Variants in ADIPOR2 observed in about 807,000 individuals in gnomAD.
ADIPOR2 encodes the protein adiponectin receptor 2, also known as adiponectin receptor protein 2.
In ADIPOR2, 18 loss-of-function variants were observed where a neutral mutation model predicts 40.9. That is an observed-to-expected ratio of 0.44 (90% confidence interval 0.30 to 0.65). The LOEUF (loss-of-function observed/expected upper bound fraction) is 0.65. ADIPOR2 is among the 30% of genes least tolerant of loss of function. The probability of loss-of-function intolerance (pLI) is 0.09; values close to 1 mark genes in which losing one functional copy is unlikely to be tolerated. For synonymous variants in ADIPOR2, 165 were observed against 166.4 expected (o/e 0.99, Z 0.06); for missense variants, 283 against 479.2 (o/e 0.59, Z 3.82).
At chr12:1,782,902 C>T (rs183763882) in intron 6 of ADIPOR2, among the ~76,000 whole-genome samples, 163 of 151,692 alleles carry the variant, frequency 1.1e-3, no homozygotes, top group African/African-American at 3.5e-3. Context: ...TTTTTAAGTG[C>T]CCAGTTATAG....
intron 5 of ADIPOR2, 63 bp downstream of exon 5, chr12:1,780,700 A>G: frequency 6.9e-7 from 1 of 1,451,118 alleles, no homozygotes; most frequent in East Asian, 2.4e-5. Context: ...AGGGAAAAAC[A>G]TTCAGCAGAG....
chr12:1,744,098 C>CTT (rs34185605), intron 1 of ADIPOR2, among the ~76,000 whole-genome samples: 14 of 147,016 alleles, frequency 9.5e-5, no homozygotes, highest in East Asian at 4.0e-4. Flanking sequence ...CTTGAAAAGT[C>CTT]TTTTTTTTTT....
intron 4 of ADIPOR2, chr12:1,778,354 C>A (rs1412954987): frequency 3.7e-5 from 7 of 187,714 alleles, no homozygotes; most frequent in Non-Finnish European, 5.5e-5. Context: ...GTAATCTGAT[C>A]TTTTAAAATG....
chr12:1,780,531 G>A lies in ADIPOR2; in HGVS notation c.544G>A (p.Val182Met), dbSNP rs755978842. Residue 182 changes from valine (V) to methionine (M), a missense_variant, in exon 5 of 8, where the codon GTG becomes ATG. Physicochemically the swap from Val to Met is conservative, Grantham distance 21. Coordinates refer to ENST00000357103, the MANE Select transcript of ADIPOR2 (RefSeq NM_024551.3). ...CTTTGTGGCCCCTCTGCAAGAGAAGGTGGTCTTTGGATTATTTTTCTTAGG... is the reference window on the plus strand; with the variant it reads ...CTTTGTGGCCCCTCTGCAAGAGAAGATGGTCTTTGGATTATTTTTCTTAGG... ...ISFVAPLQEK[V>M]VFGLFFLGAI... 2 of 1,613,750 alleles carry A rather than the reference G, an allele frequency of 1.2e-6. No homozygotes were observed. The highest frequency in any genetic ancestry group is 2.7e-5 in the African/African-American group (2 of 74,866).
intron 1 of ADIPOR2, among the ~76,000 whole-genome samples, chr12:1,743,723 T>G (rs147300369): frequency 1.1e-3 from 171 of 152,338 alleles, no homozygotes; most frequent in African/African-American, 3.9e-3. Context: ...GTTATTAATA[T>G]GAGTTATCTT....
intron 1 of ADIPOR2, among the ~76,000 whole-genome samples, chr12:1,753,965 G>A (rs1862058787): frequency 1.3e-5 from 2 of 152,054 alleles, no homozygotes; most frequent in South Asian, 4.1e-4. Flanking sequence ...TGTACCAAGA[G>A]TATGGTTTTA....
At chr12:1,783,793 C>G in intron 6 of ADIPOR2, 87 bp from the exon 7 acceptor site, 1 of 1,092,408 alleles carries the variant, frequency 9.2e-7, no homozygotes, top group Admixed American at 2.8e-5. Flanking sequence ...ATTCAGTTTA[C>G]AGAGTTAATG....
chr12:1,749,645 G>T (rs577817413), intron 1 of ADIPOR2, among the ~76,000 whole-genome samples: 5 of 152,150 alleles, frequency 3.3e-5, no homozygotes, highest in African/African-American at 1.2e-4. Context: ...GGTCTTTTTC[G>T]ATTGTTTTAG....
intron 1 of ADIPOR2, among the ~76,000 whole-genome samples, chr12:1,736,326 G>A (rs1259095039): frequency 1.3e-5 from 2 of 152,024 alleles, no homozygotes; most frequent in African/African-American, 2.4e-5. Context: ...GTCTTGGGAG[G>A]GTGTATGTGT....
chr12:1,746,850 G>A (rs1229398602), intron 1 of ADIPOR2, among the ~76,000 whole-genome samples: 4 of 152,264 alleles, frequency 2.6e-5, no homozygotes, highest in Non-Finnish European at 5.9e-5. Flanking sequence ...GATAAATAGT[G>A]AGACCTTGTC....
chr12:1,697,557 T>C (rs1420448317), intron 1 of ADIPOR2: 1 of 152,700 alleles, frequency 6.5e-6, no homozygotes, highest in African/African-American at 2.4e-5. Flanking sequence ...CTTAACACGA[T>C]GTATATGAAA....
chr12:1,724,803 A>G (rs1294346681), intron 1 of ADIPOR2, among the ~76,000 whole-genome samples: 2 of 151,900 alleles, frequency 1.3e-5, no homozygotes, highest in South Asian at 2.1e-4. Flanking sequence ...TGATCCTCCC[A>G]TCACAGCCTC....
At chr12:1,752,230 CT>C (rs67598229) in intron 1 of ADIPOR2, among the ~76,000 whole-genome samples, 6 of 74,864 alleles carry the variant, frequency 8.0e-5, no homozygotes, top group Admixed American at 3.6e-4. Context: ...CTCCTGGCCT[CT>C]TTTTTTTTTT....
intron 1 of ADIPOR2, among the ~76,000 whole-genome samples, chr12:1,706,063 T>A (rs1266867977): frequency 6.6e-6 from 1 of 152,214 alleles, no homozygotes; most frequent in African/African-American, 2.4e-5. Context: ...ACAATTCACC[T>A]TCTCCTACAG....
At position 1,780,905 on chromosome 12, in the gene ADIPOR2, A is replaced by G; in HGVS notation, c.667A>G (p.Ile223Val). The G allele has an allele frequency of 6.2e-7, 1 of 1,610,360 alleles. No individual in the cohort carries two copies. Among genetic ancestry groups the G allele is most frequent in the Non-Finnish European group, 8.5e-7 (1 of 1,178,598 alleles). Reference protein sequence around the residue: ...RLFSKLDYSGIALLIMGSFVP... With the variant: ...RLFSKLDYSGVALLIMGSFVP... The stretch of plus-strand genomic sequence containing the variant: ...CTGTCATAGACTGGATTACTCTGGT[A>G]TTGCTCTTCTGATTATGGGAAGTTT... Residue 223 changes from isoleucine (I) to valine (V), a missense_variant, in exon 6 of 8, where the codon ATT becomes GTT. Ile to Val is a conservative substitution (Grantham distance 29, BLOSUM62 3). Around this residue, in one of 3 missense-constraint regions of ADIPOR2, gnomAD observed 112 missense variants for 249.5 expected, o/e 0.45. Coordinates refer to ENST00000357103, the MANE Select transcript of ADIPOR2 (RefSeq NM_024551.3).
intron 3 of ADIPOR2, among the ~76,000 whole-genome samples, chr12:1,775,435 C>T (rs1375171585): frequency 6.6e-6 from 1 of 152,114 alleles, no homozygotes; most frequent in Admixed American, 6.5e-5. Flanking sequence ...AGTATTTAGA[C>T]CACTAGAACA....
chr12:1,781,109 T>C, intron 6 of ADIPOR2, 33 bp downstream of exon 6: 2 of 1,509,222 alleles, frequency 1.3e-6, no homozygotes, highest in Non-Finnish European at 1.8e-6. Flanking sequence ...CATTCGACAT[T>C]CATTTATTCA....
At chr12:1,751,099 CAT>C (rs2094768229) in intron 1 of ADIPOR2, among the ~76,000 whole-genome samples, 1 of 150,276 alleles carries the variant, frequency 6.7e-6, no homozygotes, top group East Asian at 2.0e-4. Context: ...TAGAGTAAAA[CAT>C]ATAGTAAATT....
intron 1 of ADIPOR2, among the ~76,000 whole-genome samples, chr12:1,728,333 G>A (rs1401612675): frequency 3.3e-5 from 5 of 151,642 alleles, no homozygotes; most frequent in East Asian, 4.0e-4. Flanking sequence ...GGCTGGTCTC[G>A]AACTCCTGAC....
Sources: gnomAD v4.1 joint callset for allele counts (sites outside exome capture counted in the v4.1 genomes callset) on GRCh38, gnomAD v4.1.1 for gene constraint, gnomAD v4.1.1 regional missense constraint, MANE v1.5 for transcripts, NCBI Gene and HGNC (gene_info 2026-07-23, HGNC 2026-07-21) for gene names.